WWC2: variants seen among roughly 807,000 people sequenced by gnomAD.
The protein encoded by WWC2 is protein WWC2.
WWC2 carries 101 observed loss-of-function variants against 138.5 expected under a neutral mutation model. The ratio of observed to expected loss-of-function variants is 0.73; its 90% CI spans 0.62 to 0.86. The LOEUF (loss-of-function observed/expected upper bound fraction) is 0.86. Among genes scored for constraint, WWC2 ranks in the 40% least tolerant of loss-of-function variants. WWC2 has a pLI of 0.00. For missense variants in WWC2, 1,420 were observed against 1,419.4 expected (o/e 1.00, Z -0.01); for synonymous variants, 558 against 538.4 (o/e 1.04, Z -0.50).
intron 1 of WWC2, among the ~76,000 whole-genome samples, chr4:183,183,351 G>GA (rs11410785): frequency 0.98 from 149,344 of 151,936 alleles, 73,445 homozygotes; most frequent in Middle Eastern, 1. Context: ...CCCCCACCTG[G>GA]AATCAACATT....
At chr4:183,263,365 G>A (rs1183208018) in intron 11 of WWC2, among the ~76,000 whole-genome samples, 1 of 152,216 alleles carries the variant, frequency 6.6e-6, no homozygotes, top group Non-Finnish European at 1.5e-5. Flanking sequence ...AGGTCTGGGA[G>A]TCCTGTCTTG....
At position 183,240,265 on chromosome 4, in the gene WWC2, G is replaced by A. The variant is rs1205982460; in HGVS notation, c.602+3G>A. Reference sequence around the variant, plus strand: ...CAAGGCTTTGAAACATTGCAGCAGTGAGTATGAAAAGACTGAATCAACTTT... The same window carrying A: ...CAAGGCTTTGAAACATTGCAGCAGTAAGTATGAAAAGACTGAATCAACTTT... On this transcript the variant is annotated splice_donor_region_variant and intron_variant, in intron 5 of 22. Transcript: ENST00000403733. 3.9e-6 allele frequency: 6 copies of A among 1,546,704 alleles called. No individual in the cohort carries two copies. The highest frequency in any genetic ancestry group is 2.6e-6 in the Non-Finnish European group (3 of 1,145,680).
intron 1 of WWC2, among the ~76,000 whole-genome samples, chr4:183,171,344 A>G (rs1734273190): frequency 1.3e-5 from 2 of 152,344 alleles, no homozygotes; most frequent in African/African-American, 4.8e-5. Flanking sequence ...TGGAAGAACA[A>G]GGTATAATAT....
rs1252128654 is a variant in WWC2 at position 183,230,531 on chromosome 4, G to T, written c.523-9652G>T. ...ATCTCTACTAAAAATACAAAAGTCA[G>T]TCAGGCGCAGTGGCGCACGCCTGTA... On this transcript the variant is annotated intron_variant, in intron 4 of 22. Coordinates refer to ENST00000403733, the MANE Select transcript of WWC2 (RefSeq NM_024949.6). 3.3e-5 allele frequency among the ~76,000 whole-genome samples: 5 copies of T among 152,304 alleles called. No individual in the cohort carries two copies. The South Asian group carries it at 6.2e-4, about 19-fold the overall frequency.
At chr4:183,220,617 A>G (rs145258896) in intron 4 of WWC2, among the ~76,000 whole-genome samples, 6,033 of 151,896 alleles carry the variant, frequency 0.04, 373 homozygotes, top group African/African-American at 0.13. Context: ...GGCAGATCAC[A>G]AGGTCAGGAG....
rs189322034 is a variant in WWC2 at position 183,112,755 on chromosome 4, G to C, written c.131+13133G>C. Among the ~76,000 whole-genome samples the C allele has an allele frequency of 2.0e-5, 3 of 152,142 alleles. No homozygotes were observed. The East Asian group carries it at 5.8e-4, about 29-fold the overall frequency. ...AACAAGATGAAGTGATAATAGTGTC[G>C]GTGGGAGCTGCTTTGGGTTAGGTGA... is the stretch of plus-strand genomic sequence containing the variant. On this transcript the variant is annotated intron_variant, in intron 1 of 22. Coordinates refer to ENST00000403733, the MANE Select transcript of WWC2 (RefSeq NM_024949.6).
rs913035881 is a variant in WWC2, at chr4:183,099,418, C to T, written c.-74C>T. 8.8e-5 allele frequency: 104 copies of T among 1,182,882 alleles called. No individual in the cohort carries two copies. The African/African-American group carries it at 1.6e-3, about 18-fold the overall frequency. The allele number at this position is 1,182,882 out of a possible 1,614,324, so 73.3% of individuals were successfully genotyped here. A position where few individuals can be genotyped will look rare whatever the true frequency, so the allele number is the denominator to read the frequency against. ...CCGCGTCGCGGGTTGGCAGCCTAGCCCGGCAGCCGCGTTCCCGCCGCGTCC... is the reference window on the plus strand; with the variant it reads ...CCGCGTCGCGGGTTGGCAGCCTAGCTCGGCAGCCGCGTTCCCGCCGCGTCC... On this transcript the variant is annotated 5_prime_UTR_variant, in exon 1 of 23. Coordinates refer to ENST00000403733, the MANE Select transcript of WWC2 (RefSeq NM_024949.6).
chr4:183,133,779 G>A (rs1351545752), intron 1 of WWC2, among the ~76,000 whole-genome samples: 1 of 152,234 alleles, frequency 6.6e-6, no homozygotes, highest in Non-Finnish European at 1.5e-5. Context: ...ACAGGCGTGA[G>A]CCACCATGCC....
At chr4:183,135,768 A>G (rs1006025465) in intron 1 of WWC2, among the ~76,000 whole-genome samples, 3 of 151,836 alleles carry the variant, frequency 2.0e-5, no homozygotes, top group Non-Finnish European at 2.9e-5. Flanking sequence ...TGCACGCTCA[A>G]TTTTTCTTGG....
chr4:183,123,103 C>T (rs1157610833), intron 1 of WWC2, among the ~76,000 whole-genome samples: 3 of 152,040 alleles, frequency 2.0e-5, no homozygotes, highest in Non-Finnish European at 2.9e-5. Context: ...TAAGGAGAGC[C>T]GTTGGCACAA....
At chr4:183,195,635 A>C (rs1220981645) in intron 2 of WWC2, among the ~76,000 whole-genome samples, 1 of 152,210 alleles carries the variant, frequency 6.6e-6, no homozygotes, top group Non-Finnish European at 1.5e-5. Context: ...GAAACTCTCA[A>C]AACAAAACCA....
rs199552472 is a variant in WWC2, at chr4:183,270,959, G to GT, written c.2401-113dup. 714 of 939,496 alleles carry GT rather than the reference G, an allele frequency of 7.6e-4. 6 individuals are homozygous for GT. The African/African-American group carries it at 7.9e-3, about 10-fold the overall frequency. 58.2% of individuals were successfully genotyped at this position (939,496 alleles called of 1,614,324 possible). ...CAATGCTTTATGTCAGGAGAATTGT[G>GT]TTTTTTTTACCCTAAAACAAGCTCA... On this transcript the variant is annotated intron_variant, in intron 15 of 22. Coordinates refer to ENST00000403733, the MANE Select transcript of WWC2 (RefSeq NM_024949.6).
In WWC2 at chr4:183,248,711, CAG is replaced by C. The variant is rs764776213; in HGVS notation, c.733_734del. 11 of 1,588,914 alleles carry C rather than the reference CAG, an allele frequency of 6.9e-6. No individual in the cohort carries two copies. The highest frequency in any genetic ancestry group is 1.3e-5 in the African/African-American group (1 of 74,666). Reference sequence around the variant, plus strand: ...TATGAAACACTTTGTGTTTTCTGAACAGAGTCTTGCTAAGCTGCAGGAGCGGT... The same window carrying C: ...TATGAAACACTTTGTGTTTTCTGAACAGTCTTGCTAAGCTGCAGGAGCGGT... On this transcript the variant is annotated splice_acceptor_variant, in intron 6 of 22. Transcript: ENST00000403733. LOFTEE classifies it high-confidence loss of function.
In WWC2 at chr4:183,154,026, A is replaced by AAAAAAAAAAAAAAAACAAAAAAAC. The variant is rs1561438959; in HGVS notation, c.132-39571_132-39570insAAAAAAAAAAAAACAAAAAAACAA. On this transcript the variant is annotated intron_variant, in intron 1 of 22. Coordinates refer to ENST00000403733, the MANE Select transcript of WWC2 (RefSeq NM_024949.6). ...GCAAAAAAAAAAAAAAAAAAAAAAA[A>AAAAAAAAAAAAAAAACAAAAAAAC]AACCCCAAATCTAATTCATCATTTA... is the stretch of plus-strand genomic sequence containing the variant. 2.9e-4 allele frequency among the ~76,000 whole-genome samples: 42 copies of AAAAAAAAAAAAAAAACAAAAAAAC among 145,638 alleles called. 1 individual carries two copies. Among genetic ancestry groups the AAAAAAAAAAAAAAAACAAAAAAAC allele is most frequent in the African/African-American group, 1.1e-3 (40 of 36,392 alleles).
rs1739578726 is a variant in WWC2, at chr4:183,319,860, ATCAGCAGTCGCC to A, written c.*4134_*4145del. The A allele has an allele frequency of 1.9e-6, 3 of 1,613,980 alleles. No individual in the cohort carries two copies. The highest frequency in any genetic ancestry group is 2.5e-6 in the Non-Finnish European group (3 of 1,179,878). On this transcript the variant is annotated 3_prime_UTR_variant, in exon 23 of 23. Transcript: ENST00000403733. ...GGCCCAGGACAGAATTCCTCCCAGG[ATCAGCAGTCGCC>A]TCTTGAGATCTCTCTGACTCTCTCC... is the stretch of plus-strand genomic sequence containing the variant.
At chr4:183,303,060 C>CAAAAAAAAAA in intron 21 of WWC2, among the ~76,000 whole-genome samples, 1 of 82,568 alleles carries the variant, frequency 1.2e-5, no homozygotes, top group African/African-American at 4.8e-5. Context: ...GACTCCATCT[C>CAAAAAAAAAA]AAAAAAAAAA....
intron 21 of WWC2, among the ~76,000 whole-genome samples, chr4:183,291,472 C>G (rs2111080239): frequency 1.3e-5 from 2 of 152,300 alleles, no homozygotes; most frequent in Admixed American, 1.3e-4. Flanking sequence ...GTTTTTAACT[C>G]AACATTACCA....
At chr4:183,233,112 G>A (rs924919446) in intron 4 of WWC2, among the ~76,000 whole-genome samples, 2 of 144,282 alleles carry the variant, frequency 1.4e-5, no homozygotes, top group African/African-American at 2.6e-5. Flanking sequence ...TGGCTCATGT[G>A]GTAATTTACT....
chr4:183,177,473 G>T (rs938061883), intron 1 of WWC2, among the ~76,000 whole-genome samples: 6 of 152,166 alleles, frequency 3.9e-5, no homozygotes, highest in Admixed American at 1.3e-4. Context: ...TTAATACAAA[G>T]AAATCAAAGA....
Sources: gnomAD v4.1 joint callset for allele counts (sites outside exome capture counted in the v4.1 genomes callset) on GRCh38, gnomAD v4.1.1 for gene constraint, MANE v1.5 for transcripts, NCBI Gene and HGNC (gene_info 2026-07-23, HGNC 2026-07-21) for gene names.